Variants in SALL3 observed in about 807,000 individuals in gnomAD.
SALL3 encodes the protein sal-like protein 3.
A neutral mutation model predicts 66.2 loss-of-function variants in SALL3; 25 were observed. The ratio of observed to expected loss-of-function variants is 0.38; its 90% CI spans 0.28 to 0.53. SALL3 has a LOEUF of 0.53. SALL3 is among the 20% of genes least tolerant of loss of function. The pLI is 0.85. For missense variants in SALL3, 2,194 were observed against 1,916.5 expected (o/e 1.14, Z -2.70); for synonymous variants, 1,152 against 899.1 (o/e 1.28, Z -5.03).
intron 1 of SALL3, among the ~76,000 whole-genome samples, chr18:78,988,716 C>T (rs536057023): frequency 6.6e-6 from 1 of 152,096 alleles, no homozygotes; most frequent in Non-Finnish European, 1.5e-5. Flanking sequence ...TAATCACATT[C>T]AAATGTTGAT....
At chr18:78,981,320 GAGGA>G (rs1914063211) in intron 1 of SALL3, among the ~76,000 whole-genome samples, 3 of 152,222 alleles carry the variant, frequency 2.0e-5, no homozygotes, top group Non-Finnish European at 4.4e-5. Context: ...AAAGAGGGCC[GAGGA>G]GGGGCGACCC....
chr18:78,992,470 G>C lies in SALL3; in HGVS notation c.479G>C (p.Gly160Ala), dbSNP rs1302497438. The change falls in exon 2 of 3, where the codon GGC becomes GCC. Residue 160 changes from glycine (G) to alanine (A), a missense_variant. Gly to Ala is a moderately conservative substitution (Grantham distance 60, BLOSUM62 0). Transcript: ENST00000537592. ...AAPAPPTPAYGAPSTNVTLEA... is the reference protein window; with the variant it reads ...AAPAPPTPAYAAPSTNVTLEA... ...CCTGCACCCCCAACGCCCGCCTACG[G>C]CGCGCCCAGCACCAACGTGACCCTG... 4 of 1,448,354 alleles carry C rather than the reference G, an allele frequency of 2.8e-6. No homozygotes were observed. Among genetic ancestry groups the C allele is most frequent in the Non-Finnish European group, 3.6e-6 (4 of 1,105,048 alleles). The allele number at this position is 1,448,354 out of a possible 1,614,324, so 89.7% of individuals were successfully genotyped here. A position where few individuals can be genotyped will look rare whatever the true frequency, so the allele number is the denominator to read the frequency against.
rs1913963462 is a variant in SALL3 at position 78,980,212 on chromosome 18, C to T, written c.-63C>T. On this transcript the variant is annotated 5_prime_UTR_variant, in exon 1 of 3. Transcript: ENST00000537592. ...GCGCGCCCGCCAGGCCGCCCCGCGC[C>T]GTCCCCGCCGGCCGCCCCGCTGATG... The T allele has an allele frequency of 1.2e-6, 1 of 836,416 alleles. No individual in the cohort carries two copies. Among genetic ancestry groups the T allele is most frequent in the Non-Finnish European group, 1.4e-6 (1 of 695,948 alleles). The allele number at this position is 836,416 out of a possible 1,614,324, so 51.8% of individuals were successfully genotyped here.
rs1914611317 is a variant in SALL3 at position 78,994,573 on chromosome 18, G to C, written c.2582G>C (p.Gly861Ala). Reference sequence around the variant, plus strand: ...GTCATGAGCTGCCAGCAGCTGACCGGCCTCAAGTCCGTGGAGAACGGGTCC... The same window carrying C: ...GTCATGAGCTGCCAGCAGCTGACCGCCCTCAAGTCCGTGGAGAACGGGTCC... ...DSVMSCQQLT[G>A]LKSVENGSGE... The change falls in exon 2 of 3, where the codon GGC (glycine) becomes GCC (alanine). Residue 861 changes from glycine to alanine, a missense_variant. By Grantham distance (60) the Gly-to-Ala change is moderately conservative. Transcript: ENST00000537592. 1 of 1,611,560 alleles carries C rather than the reference G, an allele frequency of 6.2e-7. No individual in the cohort carries two copies. The highest frequency in any genetic ancestry group is 1.7e-5 in the Admixed American group (1 of 59,970).
chr18:78,992,397 G>C lies in SALL3; in HGVS notation c.406G>C (p.Ala136Pro). The C allele has an allele frequency of 4.5e-6, 6 of 1,323,128 alleles. No homozygotes were observed. Among genetic ancestry groups the C allele is most frequent in the Non-Finnish European group, 4.8e-6 (5 of 1,042,832 alleles). 82.0% of individuals were successfully genotyped at this position (1,323,128 alleles called of 1,614,324 possible). The part of the protein sequence containing the change: ...PVEKEAEPMD[A>P]EPAGDTRAPR... ...GGAGAAGGAGGCCGAGCCCATGGAC[G>C]CGGAACCCGCGGGGGACACGCGCGC... is the stretch of plus-strand genomic sequence containing the variant. Residue 136 changes from alanine to proline, a missense_variant, in exon 2 of 3, where the codon GCG becomes CCG. By Grantham distance (27) the Ala-to-Pro change is conservative. Transcript: ENST00000537592.
Position 78,992,795 on chromosome 18 carries a change from C to T in SALL3, c.804C>T (p.Ala268=), listed in dbSNP as rs1020663648. Residue 268 remains alanine (A), a synonymous_variant, in exon 2 of 3, where the codon GCC becomes GCT. Coordinates refer to ENST00000537592, the MANE Select transcript of SALL3 (RefSeq NM_171999.4). ...LPGLAALPLS[A]GAPAAAIAGS... ...GGCTGGCCGCGCTCCCGCTGTCGGC[C>T]GGGGCCCCTGCCGCCGCCATCGCGG... The T allele has an allele frequency of 3.0e-6, 3 of 984,294 alleles. No homozygotes were observed. The highest frequency in any genetic ancestry group is 1.8e-5 in the African/African-American group (1 of 56,628). The allele number at this position is 984,294 out of a possible 1,614,324, so 61.0% of individuals were successfully genotyped here.
chr18:78,991,169 A>T (rs940753110), intron 1 of SALL3, among the ~76,000 whole-genome samples: 2 of 152,216 alleles, frequency 1.3e-5, no homozygotes, highest in African/African-American at 4.8e-5. Context: ...ACATAAATGA[A>T]CTTTAAATAT....
In SALL3 at chr18:78,979,993, G is replaced by T. The variant is rs1326984925; in HGVS notation, c.-282G>T. Among the ~76,000 whole-genome samples, 1 of 145,208 alleles carries T rather than the reference G, an allele frequency of 6.9e-6. No homozygotes were observed. The highest frequency in any genetic ancestry group is 1.5e-5 in the Non-Finnish European group (1 of 65,436). On this transcript the variant is annotated 5_prime_UTR_variant, in exon 1 of 3. Transcript: ENST00000537592. ...GCCGGGCAGCGCGCGCCCCGGTCCC[G>T]AGGCGCCGCGGCCCCCTCCTCGTCG...
chr18:78,994,709 G>T lies in SALL3; in HGVS notation c.2718G>T (p.Ser906=). Residue 906 remains serine (S), a synonymous_variant, in exon 2 of 3, where the codon TCG becomes TCT. Transcript: ENST00000537592. ...LSESSSSQAL[S]PAPSNGESFR... ...AGTCCTCGTCCTCGCAGGCCCTGTC[G>T]CCGGCCCCCAGCAATGGTGAGAGCT... 6.2e-7 allele frequency: 1 copy of T among 1,604,782 alleles called. No homozygotes were observed. The highest frequency in any genetic ancestry group is 1.1e-5 in the South Asian group (1 of 90,986).
chr18:78,979,934 G>T lies in SALL3; in HGVS notation c.-341G>T, dbSNP rs1467651033. Among the ~76,000 whole-genome samples, 1 of 144,094 alleles carries T rather than the reference G, an allele frequency of 6.9e-6. No homozygotes were observed. Among genetic ancestry groups the T allele is most frequent in the Non-Finnish European group, 1.5e-5 (1 of 64,986 alleles). The allele number at this position is 144,094 out of a possible 152,430, so 94.5% of individuals were successfully genotyped here. On this transcript the variant is annotated 5_prime_UTR_variant, in exon 1 of 3. Coordinates refer to ENST00000537592, the MANE Select transcript of SALL3 (RefSeq NM_171999.4). ...CACAGCCGCACCCGGGGCGGCCGAG[G>T]AGCGCGGCGCCGGAGCCCGCGATGT... is the stretch of plus-strand genomic sequence containing the variant.
chr18:78,995,303 C>T lies in SALL3; in HGVS notation c.3312C>T (p.Pro1104=). 3 of 1,572,258 alleles carry T rather than the reference C, an allele frequency of 1.9e-6. No individual in the cohort carries two copies. Among genetic ancestry groups the T allele is most frequent in the Non-Finnish European group, 2.6e-6 (3 of 1,164,438 alleles). The part of the protein sequence containing the change: ...MGPGLAPMLA[P]PPRRTPKQHN... ...CGGGCCTGGCGCCCATGCTGGCCCC[C>T]CCACCGCGCCGGACGCCCAAGCAGC... Residue 1104 remains proline (P), a synonymous_variant, in exon 2 of 3, where the codon CCC becomes CCT. Transcript: ENST00000537592.
Position 78,980,244 on chromosome 18 carries a change from C to T in SALL3, c.-31C>T. The T allele has an allele frequency of 3.5e-6, 4 of 1,155,036 alleles. No individual in the cohort carries two copies. The highest frequency in any genetic ancestry group is 2.2e-5 in the South Asian group (1 of 46,214). 71.5% of individuals were successfully genotyped at this position (1,155,036 alleles called of 1,614,324 possible). ...GCCGGCCGCCCCGCTGATGCCGCTG[C>T]CCCGCGCGGGGCCCGAGCGCCGCTA... On this transcript the variant is annotated 5_prime_UTR_variant, in exon 1 of 3. Coordinates refer to ENST00000537592, the MANE Select transcript of SALL3 (RefSeq NM_171999.4).
At position 78,992,135 on chromosome 18, in the gene SALL3, G is replaced by T; in HGVS notation, c.144G>T (p.Glu48Asp). Residue 48 changes from glutamate to aspartate, a missense_variant, in exon 2 of 3, where the codon GAG becomes GAT. Physicochemically the swap from Glu to Asp is conservative, Grantham distance 45. Coordinates refer to ENST00000537592, the MANE Select transcript of SALL3 (RefSeq NM_171999.4). ...GGCCCGAGAGCCGCAGCGGGGGCGAGGAGACCAGCGTGTGCGAGAAATGCT... is the reference window on the plus strand; with the variant it reads ...GGCCCGAGAGCCGCAGCGGGGGCGATGAGACCAGCGTGTGCGAGAAATGCT... ...DSGPESRSGG[E>D]ETSVCEKCCA... The T allele has an allele frequency of 6.2e-7, 1 of 1,604,742 alleles. No homozygotes were observed. The highest frequency in any genetic ancestry group is 1.1e-5 in the South Asian group (1 of 89,614).
intron 2 of SALL3, among the ~76,000 whole-genome samples, chr18:78,996,249 C>T (rs1485716204): frequency 3.3e-5 from 5 of 152,180 alleles, no homozygotes; most frequent in Non-Finnish European, 7.3e-5. Context: ...CAGGCCTGTG[C>T]CTTGTGCTGT....
chr18:78,987,055 A>T (rs1018513151), intron 1 of SALL3, among the ~76,000 whole-genome samples: 6 of 152,200 alleles, frequency 3.9e-5, no homozygotes, highest in Non-Finnish European at 8.8e-5. Context: ...CTTATTTTTA[A>T]AAAAAAAACC....
intron 2 of SALL3, 115 bp from the exon 3 acceptor site, chr18:78,996,776 G>A: frequency 9.8e-7 from 1 of 1,024,088 alleles, no homozygotes. Context: ...GTGTTTTGTT[G>A]TCCGTAAGTC....
chr18:78,980,149 G>GCGGCCCGCGCAGCCGCCGC lies in SALL3; in HGVS notation c.-123_-105dup, dbSNP rs1160515518. The GCGGCCCGCGCAGCCGCCGC allele has an allele frequency of 5.8e-6, 1 of 171,520 alleles. No individual in the cohort carries two copies. The highest frequency in any genetic ancestry group is 1.1e-5 in the Non-Finnish European group (1 of 89,108). 10.6% of individuals were successfully genotyped at this position (171,520 alleles called of 1,614,324 possible). On this transcript the variant is annotated 5_prime_UTR_variant, in exon 1 of 3. It removes the in-frame stop codon of an upstream open reading frame in the 5' UTR. Coordinates refer to ENST00000537592, the MANE Select transcript of SALL3 (RefSeq NM_171999.4). ...CCAGCCTAATTGCTCAGCCCCATGC[G>GCGGCCCGCGCAGCCGCCGC]CGGCCCGCGCAGCCGCCGCCGCCCC... is the stretch of plus-strand genomic sequence containing the variant.
rs557940780 is a variant in SALL3, at chr18:78,998,293, A to T, written c.*971A>T. 5 of 151,630 alleles carry T rather than the reference A, an allele frequency of 3.3e-5. No individual in the cohort carries two copies. The highest frequency in any genetic ancestry group is 2.1e-4 in the South Asian group (1 of 4,822). 9.4% of individuals were successfully genotyped at this position (151,630 alleles called of 1,614,324 possible). On this transcript the variant is annotated 3_prime_UTR_variant, in exon 3 of 3. Transcript: ENST00000537592. The stretch of plus-strand genomic sequence containing the variant: ...AGGTTTGTCTATAATTTGAAAATTT[A>T]AAAAAATGTAAAGTATTTTATAAAT...
At chr18:78,996,845 C>T (rs1914710446) in intron 2 of SALL3, 46 bp from the exon 3 acceptor site, 1 of 1,540,310 alleles carries the variant, frequency 6.5e-7, no homozygotes, top group African/African-American at 1.4e-5. Flanking sequence ...AGCTCTGCCT[C>T]CGTGTCTAGG....
Sources: gnomAD v4.1 joint callset for allele counts (sites outside exome capture counted in the v4.1 genomes callset) on GRCh38, gnomAD v4.1.1 for gene constraint, MANE v1.5 for transcripts, NCBI Gene and HGNC (gene_info 2026-07-23, HGNC 2026-07-21) for gene names.